The following PPP1R21 variants were observed in gnomAD, a reference collection of about 807,000 sequenced individuals.
PPP1R21 encodes protein phosphatase 1 regulatory subunit 21.
A neutral mutation model predicts 112.8 loss-of-function variants in PPP1R21; 85 were observed. The observed-to-expected ratio is 0.75, with a 90% CI of 0.63 to 0.90. PPP1R21 has a LOEUF of 0.90. Among genes scored for constraint, PPP1R21 ranks in the 40% least tolerant of loss-of-function variants. The pLI, the probability that PPP1R21 is intolerant of heterozygous loss-of-function variation, is 0.00. For missense variants in PPP1R21, 1,199 were observed against 901.5 expected (o/e 1.33, Z -4.23); for synonymous variants, 381 against 322.3 (o/e 1.18, Z -1.95).
intron 15 of PPP1R21, among the ~76,000 whole-genome samples, chr2:48,493,575 C>T (rs898865702): frequency 1.5e-5 from 2 of 136,316 alleles, no homozygotes; most frequent in Admixed American, 1.5e-4. Context: ...GACAGGCAGC[C>T]TGTAGTAGCT....
intron 15 of PPP1R21, among the ~76,000 whole-genome samples, chr2:48,492,036 C>G (rs1001990786): frequency 6.6e-6 from 1 of 152,100 alleles, no homozygotes; most frequent in Non-Finnish European, 1.5e-5. Context: ...TAAGTTGTTG[C>G]CTGTTTTTCA....
At chr2:48,475,104 G>C (rs1196636945) in intron 12 of PPP1R21, among the ~76,000 whole-genome samples, 1 of 152,204 alleles carries the variant, frequency 6.6e-6, no homozygotes, top group African/African-American at 2.4e-5. Flanking sequence ...TGTCATCCCA[G>C]CACGTTGGGA....
At chr2:48,445,542 C>T (rs950949972) in intron 1 of PPP1R21, among the ~76,000 whole-genome samples, 1 of 152,102 alleles carries the variant, frequency 6.6e-6, no homozygotes. Flanking sequence ...GATTCTGCCT[C>T]CAGGTAAAAC....
At chr2:48,466,932 T>G (rs1165853407) in intron 9 of PPP1R21, among the ~76,000 whole-genome samples, 2 of 152,184 alleles carry the variant, frequency 1.3e-5, no homozygotes, top group African/African-American at 4.8e-5. Flanking sequence ...ACATAGACCT[T>G]CACTTTGTTT....
In PPP1R21 at chr2:48,450,887, A is replaced by G. The variant is rs898922470; in HGVS notation, c.58-121A>G. On this transcript the variant is annotated intron_variant, in intron 1 of 21. Coordinates refer to ENST00000294952, the MANE Select transcript of PPP1R21 (RefSeq NM_001135629.3). ...TTGGGTCTAATACTTTTTTGTTCTC[A>G]TATATATGTGAGAAGCTACTTAGTT... The G allele has an allele frequency of 3.0e-5, 22 of 725,808 alleles. No homozygotes were observed. In the Admixed American group the frequency reaches 3.2e-4, roughly 11 times the overall value. 45.0% of individuals were successfully genotyped at this position (725,808 alleles called of 1,614,324 possible).
At chr2:48,468,139 C>T (rs554942858) in intron 9 of PPP1R21, among the ~76,000 whole-genome samples, 4 of 152,290 alleles carry the variant, frequency 2.6e-5, no homozygotes, top group Middle Eastern at 3.4e-3. Flanking sequence ...ACTCTCTCTG[C>T]GCTTCCGTTT....
At chr2:48,501,585 G>A (rs1442552184) in intron 17 of PPP1R21, among the ~76,000 whole-genome samples, 2 of 152,176 alleles carry the variant, frequency 1.3e-5, no homozygotes, top group Non-Finnish European at 2.9e-5. Flanking sequence ...CTCATCCCAA[G>A]CCCTGCCCTC....
At chr2:48,462,025 A>G (rs1558442001) in intron 7 of PPP1R21, among the ~76,000 whole-genome samples, 1 of 152,316 alleles carries the variant, frequency 6.6e-6, no homozygotes, top group Non-Finnish European at 1.5e-5. Context: ...TGAAAATAAC[A>G]CCTGCTTCTA....
At chr2:48,489,724 AC>A (rs1669470876) in intron 14 of PPP1R21, among the ~76,000 whole-genome samples, 1 of 151,960 alleles carries the variant, frequency 6.6e-6, no homozygotes. Context: ...AGCCTGGCCA[AC>A]ATGTTGAAAC....
intron 13 of PPP1R21, among the ~76,000 whole-genome samples, chr2:48,480,847 A>G (rs1002652026): frequency 2.6e-5 from 4 of 152,190 alleles, no homozygotes; most frequent in Non-Finnish European, 5.9e-5. Context: ...GCTGTGTTTC[A>G]TAACATGGAT....
At chr2:48,452,870 T>C (rs1667540384) in intron 2 of PPP1R21, among the ~76,000 whole-genome samples, 1 of 152,206 alleles carries the variant, frequency 6.6e-6, no homozygotes, top group Non-Finnish European at 1.5e-5. Context: ...GAGCATATTG[T>C]TCTATCCCTC....
At chr2:48,472,115 C>G (rs1284350413) in intron 11 of PPP1R21, among the ~76,000 whole-genome samples, 1 of 151,490 alleles carries the variant, frequency 6.6e-6, no homozygotes. Context: ...TGGTGCATCC[C>G]TATAGTCCCA....
chr2:48,482,565 T>C (rs1266739561), intron 13 of PPP1R21, among the ~76,000 whole-genome samples: 2 of 151,910 alleles, frequency 1.3e-5, no homozygotes, highest in Non-Finnish European at 2.9e-5. Flanking sequence ...TAATATATCA[T>C]CTAGACATTT....
intron 17 of PPP1R21, among the ~76,000 whole-genome samples, chr2:48,500,423 A>G (rs2103641201): frequency 6.6e-6 from 1 of 152,238 alleles, no homozygotes; most frequent in Admixed American, 6.5e-5. Context: ...TGCATGTTTG[A>G]CATTTTTCAT....
intron 12 of PPP1R21, among the ~76,000 whole-genome samples, chr2:48,475,564 A>G (rs1450622868): frequency 2.6e-5 from 4 of 151,916 alleles, no homozygotes; most frequent in African/African-American, 9.7e-5. Flanking sequence ...AAGTATTTTC[A>G]GGGCCGGGCG....
chr2:48,474,948 A>T (rs886953864), intron 12 of PPP1R21, 129 bp downstream of exon 12: 4 of 739,876 alleles, frequency 5.4e-6, no homozygotes, highest in Non-Finnish European at 8.7e-6. Flanking sequence ...CTTGAATTCA[A>T]ATTCTCTAGC....
intron 3 of PPP1R21, among the ~76,000 whole-genome samples, chr2:48,455,335 G>A (rs1186613766): frequency 2.0e-5 from 3 of 151,646 alleles, no homozygotes; most frequent in Non-Finnish European, 2.9e-5. Context: ...TAGAGAAGGG[G>A]TTTCTCCATG....
At position 48,471,331 on chromosome 2, in the gene PPP1R21, G is replaced by A; in HGVS notation, c.1052G>A (p.Cys351Tyr). 6.2e-7 allele frequency: 1 copy of A among 1,610,060 alleles called. No homozygotes were observed. Among genetic ancestry groups the A allele is most frequent in the Non-Finnish European group, 8.5e-7 (1 of 1,178,846 alleles). ...TCAGAACACTTAACCTCCTACATAT[G>A]TTTTCTTAGGAAGATTCTTCCCTAT... is the stretch of plus-strand genomic sequence containing the variant. ...TFSEHLTSYI[C>Y]FLRKILPYQL... The change falls in exon 11 of 22, where the codon TGT (cysteine) becomes TAT (tyrosine). Residue 351 changes from cysteine (C) to tyrosine (Y), a missense_variant. By Grantham distance (194) the Cys-to-Tyr change is radical (BLOSUM62 -2). Coordinates refer to ENST00000294952, the MANE Select transcript of PPP1R21 (RefSeq NM_001135629.3).
rs375966243 is a variant in PPP1R21, at chr2:48,498,523, C to G, written c.1723C>G (p.Leu575Val). 5 of 1,614,072 alleles carry G rather than the reference C, an allele frequency of 3.1e-6. No individual in the cohort carries two copies. The African/African-American group carries it at 4.0e-5, about 13-fold the overall frequency. ...ACAGAGTTTGGAAAAGATTTCTAAA[C>G]TGGAGCAGGAAAAAGAACATTGGAT... ...VQQSLEKISK[L>V]EQEKEHWMLE... Residue 575 changes from leucine to valine, a missense_variant, in exon 17 of 22, where the codon CTG (leucine) becomes GTG (valine). Physicochemically the swap from Leu to Val is conservative, Grantham distance 32. Coordinates refer to ENST00000294952, the MANE Select transcript of PPP1R21 (RefSeq NM_001135629.3).
Sources: gnomAD v4.1 joint callset for allele counts (sites outside exome capture counted in the v4.1 genomes callset) on GRCh38, gnomAD v4.1.1 for gene constraint, MANE v1.5 for transcripts, NCBI Gene and HGNC (gene_info 2026-07-23, HGNC 2026-07-21) for gene names.